Variants in FAM174B observed in about 807,000 individuals in gnomAD.
FAM174B encodes family with sequence similarity 174 member B, also known as membrane protein FAM174B.
FAM174B carries 12 observed loss-of-function variants against 10.9 expected under a neutral mutation model. The ratio of observed to expected loss-of-function variants is 1.10; its 90% CI spans 0.71 to 1.79. FAM174B has a LOEUF of 1.79. Among genes scored for constraint, FAM174B ranks in the 40% most tolerant of loss-of-function variants. The pLI is 0.00. For synonymous variants in FAM174B, 132 were observed against 115.8 expected (o/e 1.14, Z -0.90); for missense variants, 266 against 233.3 (o/e 1.14, Z -0.91).
chr15:92,642,277 A>C (rs1368149843), intron 1 of FAM174B, among the ~76,000 whole-genome samples: 1 of 152,240 alleles, frequency 6.6e-6, no homozygotes, highest in Non-Finnish European at 1.5e-5. Flanking sequence ...TTAAACATGG[A>C]GTTATCATAT....
rs539821561 is a variant in FAM174B, at chr15:92,633,121, A to G, written c.345-2776T>C. Reference sequence around the variant, plus strand: ...GTCTATGAGAAACCAGCCAACCCAGAAAGTCATAAACGGGGCACTGAAGAA... The same window carrying G: ...GTCTATGAGAAACCAGCCAACCCAGGAAGTCATAAACGGGGCACTGAAGAA... On this transcript the variant is annotated intron_variant, in intron 1 of 2. Coordinates refer to ENST00000327355, the MANE Select transcript of FAM174B (RefSeq NM_207446.3). Among the ~76,000 whole-genome samples, 6 of 152,164 alleles carry G rather than the reference A, an allele frequency of 3.9e-5. No individual in the cohort carries two copies. In the South Asian group the frequency reaches 1.2e-3, roughly 32 times the overall value.
At chr15:92,632,427 C>T (rs1008465140) in intron 1 of FAM174B, among the ~76,000 whole-genome samples, 7 of 152,184 alleles carry the variant, frequency 4.6e-5, no homozygotes, top group Non-Finnish European at 1.0e-4. Context: ...CCTATAGTCC[C>T]AACTACTCAG....
chr15:92,643,846 C>T (rs1179260915), intron 1 of FAM174B, among the ~76,000 whole-genome samples: 1 of 152,192 alleles, frequency 6.6e-6, no homozygotes, highest in Non-Finnish European at 1.5e-5. Flanking sequence ...AACCATATTA[C>T]TTGTCAATGA....
intron 2 of FAM174B, among the ~76,000 whole-genome samples, chr15:92,623,499 C>T (rs1012881564): frequency 6.6e-6 from 1 of 152,188 alleles, no homozygotes; most frequent in Non-Finnish European, 1.5e-5. Flanking sequence ...TCCCACCGTG[C>T]CGCAGGATGA....
chr15:92,630,311 C>T lies in FAM174B; in HGVS notation c.379G>A (p.Asp127Asn). 6.2e-7 allele frequency: 1 copy of T among 1,613,670 alleles called. No individual in the cohort carries two copies. Among genetic ancestry groups the T allele is most frequent in the Non-Finnish European group, 8.5e-7 (1 of 1,179,732 alleles). The change falls in exon 2 of 3, where the codon GAT becomes AAT. Residue 127 changes from aspartate to asparagine, a missense_variant. By Grantham distance (23) the Asp-to-Asn change is conservative. Transcript: ENST00000327355. Reference protein sequence around the residue: ...GKRLKKTRKYDIITTPAERVE... With the variant: ...GKRLKKTRKYNIITTPAERVE... ...CGCTCTGCTGGAGTGGTGATGATATCATACTTGCGTGTCTTCTTTAACCTC... is the reference window on the plus strand; with the variant it reads ...CGCTCTGCTGGAGTGGTGATGATATTATACTTGCGTGTCTTCTTTAACCTC...
chr15:92,631,627 T>G (rs1047962949), intron 1 of FAM174B, among the ~76,000 whole-genome samples: 1 of 145,712 alleles, frequency 6.9e-6, no homozygotes, highest in African/African-American at 2.6e-5. Flanking sequence ...CCCGAGTAGC[T>G]GGGACTACAG....
intron 1 of FAM174B, among the ~76,000 whole-genome samples, chr15:92,630,848 A>G (rs1485071064): frequency 3.9e-5 from 2 of 51,350 alleles, no homozygotes; most frequent in Non-Finnish European, 1.2e-4. Context: ...TATATTACAT[A>G]TTACATGTTA....
intron 1 of FAM174B, among the ~76,000 whole-genome samples, chr15:92,637,150 C>T (rs376283694): frequency 2.0e-5 from 3 of 152,220 alleles, no homozygotes; most frequent in East Asian, 3.9e-4. Context: ...ACCCCCCAGG[C>T]CATGGCAATG....
At chr15:92,625,108 C>CT (rs2050744937) in intron 2 of FAM174B, among the ~76,000 whole-genome samples, 1 of 152,156 alleles carries the variant, frequency 6.6e-6, no homozygotes, top group Admixed American at 6.6e-5. Flanking sequence ...TCTAATTAGT[C>CT]TTTTTAAGTA....
Position 92,655,527 on chromosome 15 carries a change from G to A in FAM174B, c.133C>T (p.Pro45Ser). 2 of 1,486,982 alleles carry A rather than the reference G, an allele frequency of 1.3e-6. No individual in the cohort carries two copies. The highest frequency in any genetic ancestry group is 1.8e-6 in the Non-Finnish European group (2 of 1,118,814). The allele number at this position is 1,486,982 out of a possible 1,614,324, so 92.1% of individuals were successfully genotyped here. The change falls in exon 1 of 3, where the codon CCA (proline) becomes TCA (serine). Residue 45 changes from proline (P) to serine (S), a missense_variant. Transcript: ENST00000327355. ...TTCCCGGGCCCCGGGCCGGGCGGTG[G>A]CCGCGACTCGCGCTCGGGTTCGGGC... ...PWPEPERESRPPPGPGPGNTT... is the reference protein window; with the variant it reads ...PWPEPERESRSPPGPGPGNTT...
chr15:92,654,180 C>A (rs576200249), intron 1 of FAM174B, among the ~76,000 whole-genome samples: 1 of 152,242 alleles, frequency 6.6e-6, no homozygotes, highest in Non-Finnish European at 1.5e-5. Context: ...CAACTGACAG[C>A]AAAGCTCAAT....
intron 1 of FAM174B, among the ~76,000 whole-genome samples, chr15:92,647,608 A>G (rs1395435829): frequency 6.6e-6 from 1 of 152,174 alleles, no homozygotes; most frequent in South Asian, 2.1e-4. Context: ...TGAAATAGAG[A>G]TCATAAGACT....
rs1268152496 is a variant in FAM174B at position 92,655,634 on chromosome 15, G to A, written c.26C>T (p.Pro9Leu). The part of the protein sequence containing the change: MRAVPLPA[P>L]LLPLLLLALL... ...CGCGAGCAGCAGCAGCGGCAGGAGC[G>A]GGGCGGGCAGCGGCACGGCGCGCAT... Residue 9 changes from proline to leucine, a missense_variant, in exon 1 of 3, where the codon CCG becomes CTG. Physicochemically the swap from Pro to Leu is moderately conservative, Grantham distance 98. Coordinates refer to ENST00000327355, the MANE Select transcript of FAM174B (RefSeq NM_207446.3). 3.2e-6 allele frequency: 4 copies of A among 1,256,782 alleles called. No homozygotes were observed. The highest frequency in any genetic ancestry group is 3.1e-4 in the Middle Eastern group (1 of 3,178). The allele number at this position is 1,256,782 out of a possible 1,614,324, so 77.9% of individuals were successfully genotyped here.
intron 1 of FAM174B, among the ~76,000 whole-genome samples, chr15:92,638,911 A>G (rs1268950494): frequency 1.3e-5 from 2 of 152,188 alleles, no homozygotes; most frequent in African/African-American, 4.8e-5. Flanking sequence ...TGCGTCATCC[A>G]CAGCACTGGG....
Position 92,619,332 on chromosome 15 carries a change from A to C in FAM174B, c.*124T>G, listed in dbSNP as rs952308076. On this transcript the variant is annotated 3_prime_UTR_variant, in exon 3 of 3. Transcript: ENST00000327355. Reference sequence around the variant, plus strand: ...ACACGCACGATGGAGCTGGGGTTTTATACATAACGTTCGTTTTGGTTTCAA... The same window carrying C: ...ACACGCACGATGGAGCTGGGGTTTTCTACATAACGTTCGTTTTGGTTTCAA... 2 of 1,053,524 alleles carry C rather than the reference A, an allele frequency of 1.9e-6. No homozygotes were observed. Among genetic ancestry groups the C allele is most frequent in the African/African-American group, 3.1e-5 (2 of 63,696 alleles). The allele number at this position is 1,053,524 out of a possible 1,614,324, so 65.3% of individuals were successfully genotyped here. A position where few individuals can be genotyped will look rare whatever the true frequency, so the allele number is the denominator to read the frequency against.
rs193004161 is a variant in FAM174B at position 92,619,409 on chromosome 15, C to T, written c.*47G>A. 77 of 1,613,442 alleles carry T rather than the reference C, an allele frequency of 4.8e-5. No individual in the cohort carries two copies. In the Admixed American group the frequency reaches 1.3e-3, roughly 27 times the overall value. ...GTCCAGTCCTTCACACCCCAGGTTG[C>T]AGCTGACCAACTTTCCACAGGATGC... On this transcript the variant is annotated 3_prime_UTR_variant, in exon 3 of 3. Transcript: ENST00000327355.
In FAM174B at chr15:92,655,355, G is replaced by A. The variant is rs2050995530; in HGVS notation, c.305C>T (p.Thr102Ile). 2.5e-6 allele frequency: 4 copies of A among 1,588,792 alleles called. No homozygotes were observed. The highest frequency in any genetic ancestry group is 3.4e-6 in the Non-Finnish European group (4 of 1,168,278). Residue 102 changes from threonine to isoleucine, a missense_variant, in exon 1 of 3, where the codon ACC becomes ATC. Thr to Ile is a moderately conservative substitution (Grantham distance 89). Transcript: ENST00000327355. ...KAAVIVAFAF[T>I]TLLIACLLLR... ...CAGCAGGCAGGCGATGAGGAGGGTG[G>A]TAAAGGCGAACGCCACGATCACGGC...
chr15:92,633,767 T>G (rs1411475276), intron 1 of FAM174B, among the ~76,000 whole-genome samples: 3 of 152,164 alleles, frequency 2.0e-5, no homozygotes, highest in Admixed American at 6.5e-5. Context: ...TATAAACAGT[T>G]GGATCCACAT....
intron 1 of FAM174B, among the ~76,000 whole-genome samples, chr15:92,644,086 T>TC (rs1167897531): frequency 1.3e-5 from 2 of 151,402 alleles, no homozygotes; most frequent in Non-Finnish European, 2.9e-5. Flanking sequence ...TAACAGAGCT[T>TC]CCCCCAGAAA....
Sources: gnomAD v4.1 joint callset for allele counts (sites outside exome capture counted in the v4.1 genomes callset) on GRCh38, gnomAD v4.1.1 for gene constraint, MANE v1.5 for transcripts, NCBI Gene and HGNC (gene_info 2026-07-23, HGNC 2026-07-21) for gene names.